Variants in GPC3 observed in about 807,000 individuals in gnomAD.
The protein encoded by GPC3 is glypican 3, also known as glypican-3.
Under a neutral mutation model 34.4 loss-of-function variants are expected in GPC3, and 3 were observed. The ratio of observed to expected loss-of-function variants is 0.09; its 90% confidence interval spans 0.04 to 0.23. The LOEUF (loss-of-function observed/expected upper bound fraction) is 0.23. Among genes scored for constraint, GPC3 ranks in the 10% least tolerant of loss-of-function variants. GPC3 has a pLI of 1.00. For synonymous variants in GPC3, 177 were observed against 174.0 expected, an observed-to-expected ratio of 1.02 and a Z score of -0.13; for missense variants, 351 against 445.6, an observed-to-expected ratio of 0.79 and a Z score of 1.91.
chrX:133,586,290 G>GCTCACAT (rs2069787964), intron 7 of GPC3, among the ~76,000 whole-genome samples: 1 of 111,594 alleles, frequency 9.0e-6, no homozygotes, highest in Non-Finnish European at 1.9e-5. Flanking sequence ...CACTGCTAAA[G>GCTCACAT]CTCACATCTA....
intron 2 of GPC3, among the ~76,000 whole-genome samples, chrX:133,900,102 C>T (rs6634944): frequency 0.14 from 15,250 of 111,578 alleles, 1,032 homozygotes; most frequent in East Asian, 0.25. Context: ...CGCGCCCGGC[C>T]GGTCTAATGG....
In GPC3 at chrX:133,699,880, A is replaced by G. The variant is rs745585971; in HGVS notation, c.1166+15T>C. The G allele has an allele frequency of 7.5e-6, 9 of 1,195,983 alleles. No homozygotes were observed. The South Asian group carries it at 1.5e-4, about 19-fold the overall frequency. On this transcript the variant is annotated intron_variant, in intron 4 of 7. Coordinates refer to ENST00000370818, the MANE Select transcript of GPC3 (RefSeq NM_004484.4). ...TTAATTGTATTGTGGAATAAAGAAA[A>G]AAGAAACCTCTCACCTTCTTCGGCT... is the stretch of plus-strand genomic sequence containing the variant.
At chrX:133,827,424 T>C in intron 2 of GPC3, among the ~76,000 whole-genome samples, 1 of 112,045 alleles carries the variant, frequency 8.9e-6, no homozygotes, top group Non-Finnish European at 1.9e-5. Context: ...GGACACACGA[T>C]ATATACAGAT....
intron 7 of GPC3, among the ~76,000 whole-genome samples, chrX:133,592,206 T>C (rs2069856655): frequency 2.8e-5 from 3 of 108,780 alleles, no homozygotes; most frequent in Admixed American, 9.8e-5. Context: ...ACATGTGCCA[T>C]GTTGGTGTGC....
At chrX:133,788,088 T>TTATATATA (rs56318773) in intron 2 of GPC3, among the ~76,000 whole-genome samples, 1,743 of 64,691 alleles carry the variant, frequency 0.027, 42 homozygotes, top group East Asian at 0.041. Context: ...TCATATTATT[T>TTATATATA]TATATATATA....
chrX:133,737,902 C>T (rs5933340), intron 3 of GPC3, among the ~76,000 whole-genome samples: 38,549 of 110,648 alleles, frequency 0.35, 9,261 homozygotes, highest in African/African-American at 0.86. Context: ...GCAATGATAA[C>T]ATTAAGTAAA....
At chrX:133,877,286 A>C (rs1375490225) in intron 2 of GPC3, among the ~76,000 whole-genome samples, 1 of 111,945 alleles carries the variant, frequency 8.9e-6, no homozygotes, top group African/African-American at 3.2e-5. Context: ...CAGTTAAATC[A>C]CTATAGATCT....
chrX:133,809,098 A>G (rs1224522433), intron 2 of GPC3, among the ~76,000 whole-genome samples: 1 of 112,178 alleles, frequency 8.9e-6, no homozygotes, highest in Non-Finnish European at 1.9e-5. Flanking sequence ...GAAGAAGTGA[A>G]CCAAAATAAG....
intron 3 of GPC3, among the ~76,000 whole-genome samples, chrX:133,727,297 G>A (rs1379380217): frequency 3.6e-5 from 4 of 111,374 alleles, no homozygotes; most frequent in Non-Finnish European, 7.5e-5. Flanking sequence ...TGTAATCCTA[G>A]CACTTCGGGA....
chrX:133,552,712 G>T (rs2069447048), intron 7 of GPC3, among the ~76,000 whole-genome samples: 1 of 111,875 alleles, frequency 8.9e-6, no homozygotes, highest in Non-Finnish European at 1.9e-5. Context: ...TAGATATTTT[G>T]CTCAATGCAA....
In GPC3 at chrX:133,886,423, A is replaced by C. The variant is rs772013756; in HGVS notation, c.337+66627T>G. Among the ~76,000 whole-genome samples, 8 of 111,922 alleles carry C rather than the reference A, an allele frequency of 7.1e-5. No homozygotes were observed. The South Asian group carries it at 2.6e-3, about 36-fold the overall frequency. On this transcript the variant is annotated intron_variant, in intron 2 of 7. Coordinates refer to ENST00000370818, the MANE Select transcript of GPC3 (RefSeq NM_004484.4). ...GACACGAGGTAGAATTCTTTTTAAA[A>C]AAATTCATTAGATATTGACAAATTA...
chrX:133,649,625 G>A (rs1167900267), intron 6 of GPC3, among the ~76,000 whole-genome samples: 4 of 111,679 alleles, frequency 3.6e-5, no homozygotes, highest in Non-Finnish European at 7.5e-5. Flanking sequence ...GGCAAACAAA[G>A]GCGGCAGCAC....
Position 133,816,327 on chromosome X carries a change from T to A in GPC3, c.338-62151A>T, listed in dbSNP as rs779213963. 9.8e-5 allele frequency among the ~76,000 whole-genome samples: 11 copies of A among 112,075 alleles called. No homozygotes were observed. In the South Asian group the frequency reaches 4.2e-3, roughly 43 times the overall value. On this transcript the variant is annotated intron_variant, in intron 2 of 7. Coordinates refer to ENST00000370818, the MANE Select transcript of GPC3 (RefSeq NM_004484.4). ...GCCTTGGTCTCCCAAAGTGCTAGGG[T>A]GACAGGTGTGAGCAACTGCACCTGA...
intron 1 of GPC3, among the ~76,000 whole-genome samples, chrX:133,959,246 T>G (rs2076431892): frequency 8.9e-6 from 1 of 111,917 alleles, no homozygotes; most frequent in Admixed American, 9.5e-5. Flanking sequence ...ATATCTGACC[T>G]TTTAGACTGC....
intron 2 of GPC3, among the ~76,000 whole-genome samples, chrX:133,841,304 C>A (rs1421846088): frequency 1.0e-5 from 1 of 96,858 alleles, no homozygotes; most frequent in East Asian, 3.3e-4. Context: ...AAGCAATTCT[C>A]CTGCCTCAGC....
At chrX:133,649,672 T>C (rs935337826) in intron 6 of GPC3, among the ~76,000 whole-genome samples, 1 of 112,001 alleles carries the variant, frequency 8.9e-6, no homozygotes, top group Non-Finnish European at 1.9e-5. Context: ...CAGCTCTGAC[T>C]GCCTTCGAGC....
rs901575115 is a variant in GPC3 at position 133,720,010 on chromosome X, C to A, written c.1033-19982G>T. On this transcript the variant is annotated intron_variant, in intron 3 of 7. Transcript: ENST00000370818. ...GCAAATTCAAACCACGATGAGATAC[C>A]ACCTTACTCCTGCAAGAATGGCCAT... Among the ~76,000 whole-genome samples the A allele has an allele frequency of 5.4e-5, 6 of 111,882 alleles. No homozygotes were observed. The South Asian group carries it at 2.2e-3, about 42-fold the overall frequency.
chrX:133,806,554 T>A (rs1175674741), intron 2 of GPC3, among the ~76,000 whole-genome samples: 2 of 112,217 alleles, frequency 1.8e-5, no homozygotes, highest in Non-Finnish European at 3.8e-5. Context: ...TATGCAGATT[T>A]CAAAAAACAA....
intron 5 of GPC3, among the ~76,000 whole-genome samples, chrX:133,688,249 T>A (rs1199015247): frequency 9.0e-6 from 1 of 111,560 alleles, no homozygotes; most frequent in African/African-American, 3.3e-5. Flanking sequence ...AAAGAGGATA[T>A]CTCACATGGG....
Sources: gnomAD v4.1 joint callset for allele counts (sites outside exome capture counted in the v4.1 genomes callset) on GRCh38, gnomAD v4.1.1 for gene constraint, MANE v1.5 for transcripts, NCBI Gene and HGNC (gene_info 2026-07-23, HGNC 2026-07-21) for gene names.